SUMF1: variants seen among roughly 807,000 people sequenced by gnomAD.
SUMF1 encodes the protein formylglycine-generating enzyme.
Under a neutral mutation model 47.6 loss-of-function variants are expected in SUMF1, and 48 were observed. The observed-to-expected ratio is 1.01, with a 90% confidence interval of 0.80 to 1.28. SUMF1 has a LOEUF of 1.28. Among genes scored for constraint, SUMF1 ranks in the 50% most tolerant of loss-of-function variants. SUMF1 has a pLI of 0.00. For missense variants in SUMF1, 571 were observed against 485.4 expected, an observed-to-expected ratio of 1.18 and a Z score of -1.66; for synonymous variants, 230 against 192.1, an observed-to-expected ratio of 1.20 and a Z score of -1.63.
chr3:4,377,994 C>A (rs1700382924), intron 7 of SUMF1, among the ~76,000 whole-genome samples: 1 of 152,194 alleles, frequency 6.6e-6, no homozygotes, highest in Non-Finnish European at 1.5e-5. Flanking sequence ...AATGTACTTT[C>A]TTGCAAATGT....
chr3:4,093,195 A>C (rs1486101442), intron 8 of SUMF1, among the ~76,000 whole-genome samples: 1 of 152,160 alleles, frequency 6.6e-6, no homozygotes, highest in Non-Finnish European at 1.5e-5. Flanking sequence ...ATGGGGATTA[A>C]GTTAAATAAA....
At chr3:4,327,097 A>C (rs1276736652) in intron 8 of SUMF1, among the ~76,000 whole-genome samples, 1 of 152,244 alleles carries the variant, frequency 6.6e-6, no homozygotes. Context: ...ATACTTTACA[A>C]AACTGTTAAA....
At chr3:4,093,884 T>A (rs1692842646) in intron 8 of SUMF1, among the ~76,000 whole-genome samples, 1 of 152,090 alleles carries the variant, frequency 6.6e-6, no homozygotes, top group Admixed American at 6.6e-5. Flanking sequence ...TTGAAAAGTA[T>A]TTTCAGTTCT....
chr3:4,044,992 G>A (rs921973387), intron 9 of SUMF1, among the ~76,000 whole-genome samples: 2 of 152,148 alleles, frequency 1.3e-5, no homozygotes, highest in African/African-American at 4.8e-5. Flanking sequence ...CCTACCCTCT[G>A]CTTCTATTTC....
intron 4 of SUMF1, among the ~76,000 whole-genome samples, chr3:4,419,212 C>T (rs1701813835): frequency 6.6e-6 from 1 of 152,198 alleles, no homozygotes; most frequent in Non-Finnish European, 1.5e-5. Context: ...GAAGCCAAGT[C>T]CACCTGAGAA....
intron 8 of SUMF1, among the ~76,000 whole-genome samples, chr3:4,244,564 A>C (rs1265832266): frequency 1.3e-5 from 2 of 152,178 alleles, no homozygotes; most frequent in Non-Finnish European, 2.9e-5. Context: ...TCTTTTCTTT[A>C]AGAATATTGA....
intron 8 of SUMF1, among the ~76,000 whole-genome samples, chr3:4,143,988 CTT>C (rs10598580): frequency 0.08 from 6,872 of 85,456 alleles, 475 homozygotes; most frequent in East Asian, 0.29. Context: ...TCTTCTCTCT[CTT>C]TTTTTTTTTT....
chr3:4,362,100 C>G lies in SUMF1; in HGVS notation c.*44G>C. On this transcript the variant is annotated 3_prime_UTR_variant, in exon 9 of 9. Coordinates refer to ENST00000272902, the MANE Select transcript of SUMF1 (RefSeq NM_182760.4). ...GTTCTGAGAAAAGCCCAATGTAGGT[C>G]AGACACGACTGCTCCTTGGACTGGG... 1.3e-6 allele frequency: 2 copies of G among 1,573,740 alleles called. No homozygotes were observed. Among genetic ancestry groups the G allele is most frequent in the Non-Finnish European group, 1.7e-6 (2 of 1,144,520 alleles).
chr3:4,439,782 A>T (rs1052866233), intron 3 of SUMF1, among the ~76,000 whole-genome samples: 2 of 151,734 alleles, frequency 1.3e-5, no homozygotes, highest in Non-Finnish European at 2.9e-5. Flanking sequence ...AACTGGTCTC[A>T]AACTCCTGGC....
At chr3:4,255,017 C>T (rs992259076) in intron 8 of SUMF1, among the ~76,000 whole-genome samples, 4 of 151,248 alleles carry the variant, frequency 2.6e-5, no homozygotes, top group African/African-American at 9.7e-5. Flanking sequence ...CCAAACTAAG[C>T]TTCATAAGTG....
intron 8 of SUMF1, among the ~76,000 whole-genome samples, chr3:4,366,824 T>C (rs909928562): frequency 8.5e-5 from 13 of 152,220 alleles, no homozygotes; most frequent in Admixed American, 7.8e-4. Context: ...TTTTCTGCTC[T>C]GTTTTTTCCC....
At chr3:4,284,162 C>T (rs148747521) in intron 8 of SUMF1, among the ~76,000 whole-genome samples, 2 of 152,062 alleles carry the variant, frequency 1.3e-5, no homozygotes, top group African/African-American at 2.4e-5. Flanking sequence ...ATGCTTAGAA[C>T]GCTAGCACTT....
chr3:4,147,056 A>G (rs1161348560), intron 8 of SUMF1, among the ~76,000 whole-genome samples: 1 of 152,166 alleles, frequency 6.6e-6, no homozygotes, highest in African/African-American at 2.4e-5. Context: ...CAAAAGACAC[A>G]TGAAAAAATG....
At chr3:4,270,300 C>A (rs540534719) in intron 8 of SUMF1, among the ~76,000 whole-genome samples, 3 of 152,216 alleles carry the variant, frequency 2.0e-5, no homozygotes, top group Admixed American at 6.5e-5. Flanking sequence ...AGGTCTCCAT[C>A]TGCAAGAAAA....
chr3:4,247,434 C>A (rs1696695559), intron 8 of SUMF1, among the ~76,000 whole-genome samples: 1 of 152,146 alleles, frequency 6.6e-6, no homozygotes, highest in African/African-American at 2.4e-5. Context: ...ATATTAAGTT[C>A]TGAAATTAGA....
At chr3:4,461,905 C>T (rs1466504767) in intron 1 of SUMF1, among the ~76,000 whole-genome samples, 4 of 152,186 alleles carry the variant, frequency 2.6e-5, no homozygotes, top group African/African-American at 9.7e-5. Context: ...TTCAAACAAT[C>T]CATATCTCCT....
intron 9 of SUMF1, among the ~76,000 whole-genome samples, chr3:4,037,930 G>C (rs950573287): frequency 1.3e-5 from 2 of 152,112 alleles, no homozygotes; most frequent in Non-Finnish European, 2.9e-5. Context: ...ATGTTATTGA[G>C]GTATTTTGGT....
At chr3:4,126,954 T>A (rs1188302772) in intron 8 of SUMF1, among the ~76,000 whole-genome samples, 2 of 152,094 alleles carry the variant, frequency 1.3e-5, no homozygotes, top group Non-Finnish European at 2.9e-5. Context: ...TGATTCCACA[T>A]CGTGAAGAAG....
intron 8 of SUMF1, among the ~76,000 whole-genome samples, chr3:4,207,281 C>T: frequency 6.6e-6 from 1 of 152,108 alleles, no homozygotes; most frequent in East Asian, 1.9e-4. Context: ...TGAATAAAGA[C>T]AATTTTACTT....
Sources: allele counts gnomAD v4.1 joint callset (sites outside exome capture counted in the v4.1 genomes callset), GRCh38; gene constraint gnomAD v4.1.1; transcripts MANE v1.5; gene names NCBI Gene and HGNC (gene_info 2026-07-23, HGNC 2026-07-21).